AP4S1: variants seen among roughly 807,000 people sequenced by gnomAD.
AP4S1 encodes the protein AP-4 complex subunit sigma-1.
In AP4S1, 23 loss-of-function variants were observed where a neutral mutation model predicts 19.8. The observed-to-expected ratio is 1.16, with a 90% CI of 0.84 to 1.65. The LOEUF (loss-of-function observed/expected upper bound fraction) is 1.65. AP4S1 is among the 40% of genes most tolerant of loss of function. The pLI is 0.00. For missense variants in AP4S1, 166 were observed against 172.8 expected, an observed-to-expected ratio of 0.96 and a Z score of 0.22; for synonymous variants, 46 against 54.1, an observed-to-expected ratio of 0.85 and a Z score of 0.66.
chr14:31,030,580 C>G (rs945087070), intron 1 of AP4S1, among the ~76,000 whole-genome samples: 2 of 152,066 alleles, frequency 1.3e-5, no homozygotes, highest in African/African-American at 4.8e-5. Context: ...AACTCCTGGC[C>G]TCAAGCAGTC....
intron 1 of AP4S1, among the ~76,000 whole-genome samples, chr14:31,038,821 T>C (rs905028991): frequency 6.6e-6 from 1 of 152,216 alleles, no homozygotes; most frequent in Non-Finnish European, 1.5e-5. Flanking sequence ...GCACTTCCTA[T>C]TGTTATTATG....
chr14:31,072,470 A>C (rs973907613), intron 3 of AP4S1, among the ~76,000 whole-genome samples: 1 of 152,122 alleles, frequency 6.6e-6, no homozygotes, highest in African/African-American at 2.4e-5. Flanking sequence ...TCCTGGGGTC[A>C]AGCCATCCTC....
chr14:31,062,474 A>C (rs936814037), intron 1 of AP4S1, among the ~76,000 whole-genome samples: 13 of 152,180 alleles, frequency 8.5e-5, no homozygotes, highest in African/African-American at 3.1e-4. Flanking sequence ...GATAGGTGTC[A>C]GGAAAGTCTG....
chr14:31,038,781 A>G (rs1884922082), intron 1 of AP4S1, among the ~76,000 whole-genome samples: 1 of 152,190 alleles, frequency 6.6e-6, no homozygotes, highest in Non-Finnish European at 1.5e-5. Context: ...AGCATTCAAA[A>G]CAATGCCTGG....
chr14:31,032,449 C>G (rs1355629406), intron 1 of AP4S1, among the ~76,000 whole-genome samples: 1 of 151,956 alleles, frequency 6.6e-6, no homozygotes, highest in Non-Finnish European at 1.5e-5. Context: ...TATTACAATA[C>G]CTGATGTTCA....
Position 31,093,201 on chromosome 14 carries a change from A to G in AP4S1, c.*166A>G. The G allele has an allele frequency of 1.6e-6, 1 of 616,294 alleles. No individual in the cohort carries two copies. The highest frequency in any genetic ancestry group is 2.9e-5 in the South Asian group (1 of 35,008). 38.2% of individuals were successfully genotyped at this position (616,294 alleles called of 1,614,324 possible). A position where few individuals can be genotyped will look rare whatever the true frequency, so the allele number is the denominator to read the frequency against. On this transcript the variant is annotated 3_prime_UTR_variant, in exon 6 of 6. Coordinates refer to ENST00000542754, the MANE Select transcript of AP4S1 (RefSeq NM_001128126.3). ...TTTCCACAGTTCCTAAAAAGAAAAC[A>G]CAACTGTACTTTAAAATATGTACAA...
At chr14:31,037,299 T>C (rs7160965) in intron 1 of AP4S1, among the ~76,000 whole-genome samples, 134,908 of 151,728 alleles carry the variant, frequency 0.89, 60,147 homozygotes, top group South Asian at 0.93. Context: ...TTCCAGGGGA[T>C]GTTTTTTCAC....
chr14:31,070,380 G>A (rs1886936682), intron 3 of AP4S1, among the ~76,000 whole-genome samples: 1 of 152,110 alleles, frequency 6.6e-6, no homozygotes, highest in South Asian at 2.1e-4. Flanking sequence ...AGCTGGGACT[G>A]CAGGCTCACA....
At chr14:31,080,944 A>G (rs560579566) in intron 5 of AP4S1, among the ~76,000 whole-genome samples, 1 of 151,878 alleles carries the variant, frequency 6.6e-6, no homozygotes, top group South Asian at 2.1e-4. Context: ...GGCGCCCACC[A>G]CCACGCCCAG....
At chr14:31,039,100 T>G (rs1191039666) in intron 1 of AP4S1, among the ~76,000 whole-genome samples, 1 of 152,096 alleles carries the variant, frequency 6.6e-6, no homozygotes, top group Non-Finnish European at 1.5e-5. Flanking sequence ...CCTCCTGGGC[T>G]CATGTGATCC....
At chr14:31,048,727 ACT>A (rs1397198394) in intron 1 of AP4S1, among the ~76,000 whole-genome samples, 3 of 152,152 alleles carry the variant, frequency 2.0e-5, no homozygotes, top group Non-Finnish European at 4.4e-5. Context: ...TGACAGTGAG[ACT>A]CTGTCTCCAA....
intron 4 of AP4S1, among the ~76,000 whole-genome samples, chr14:31,073,576 C>T (rs1887182405): frequency 6.6e-6 from 1 of 150,926 alleles, no homozygotes; most frequent in South Asian, 2.1e-4. Flanking sequence ...CTTCCCTCTG[C>T]TTTCTTTTTT....
chr14:31,058,527 ATGTGTG>A (rs140119208), intron 1 of AP4S1, among the ~76,000 whole-genome samples: 2,185 of 136,584 alleles, frequency 0.016, 43 homozygotes, highest in African/African-American at 0.042. Flanking sequence ...CTGTGTGTGT[ATGTGTG>A]TGTGTGTGTG....
At chr14:31,035,341 C>T (rs1884674043) in intron 1 of AP4S1, among the ~76,000 whole-genome samples, 1 of 151,010 alleles carries the variant, frequency 6.6e-6, no homozygotes, top group Admixed American at 6.6e-5. Context: ...ATTACAAGCA[C>T]ACGCCGCCAC....
chr14:31,089,652 C>T (rs574497475), intron 5 of AP4S1, among the ~76,000 whole-genome samples: 11 of 152,292 alleles, frequency 7.2e-5, no homozygotes, highest in East Asian at 1.9e-4. Context: ...TGGTGGCTCA[C>T]GCCTGTAATC....
chr14:31,082,575 G>A (rs1331514116), intron 5 of AP4S1, among the ~76,000 whole-genome samples: 1 of 152,152 alleles, frequency 6.6e-6, no homozygotes, highest in South Asian at 2.1e-4. Context: ...CACATAACCC[G>A]CTCATCTTAA....
In AP4S1 at chr14:31,040,148, C is replaced by CTT. The variant is rs148109049; in HGVS notation, c.-72+14378_-72+14379dup. 5.0e-3 allele frequency among the ~76,000 whole-genome samples: 650 copies of CTT among 129,448 alleles called. 10 individuals are homozygous for CTT. Among genetic ancestry groups the CTT allele is most frequent in the East Asian group, 0.024 (106 of 4,390 alleles). The allele number at this position is 129,448 out of a possible 152,430, so 84.9% of individuals were successfully genotyped here. On this transcript the variant is annotated intron_variant, in intron 1 of 5. Coordinates refer to ENST00000542754, the MANE Select transcript of AP4S1 (RefSeq NM_001128126.3). ...TGTGTAAAGTCAAATTACTCTGCAT[C>CTT]TTTTTTTTTTTTTTTTTTCCTGAGA...
intron 1 of AP4S1, among the ~76,000 whole-genome samples, chr14:31,039,576 T>TG (rs964478941): frequency 2.1e-5 from 3 of 143,872 alleles, no homozygotes; most frequent in South Asian, 2.2e-4. Flanking sequence ...AGTTTTGTTT[T>TG]TTTTTTTTTT....
intron 5 of AP4S1, chr14:31,084,714 C>T: frequency 6.2e-7 from 1 of 1,611,466 alleles, no homozygotes; most frequent in Non-Finnish European, 8.5e-7. Context: ...CCATCACATA[C>T]CTTGGTAGAT....
Sources: allele counts gnomAD v4.1 joint callset (sites outside exome capture counted in the v4.1 genomes callset), GRCh38; gene constraint gnomAD v4.1.1; transcripts MANE v1.5; gene names NCBI Gene and HGNC (gene_info 2026-07-23, HGNC 2026-07-21).